The following TMPRSS7 variants were observed in gnomAD, a reference collection of about 807,000 sequenced individuals.
TMPRSS7 encodes the protein transmembrane serine protease 7.
A neutral mutation model predicts 95.6 loss-of-function variants in TMPRSS7; 81 were observed. That is an observed-to-expected ratio of 0.85 (90% CI 0.71 to 1.02). TMPRSS7 has a LOEUF of 1.02. Ranked by LOEUF, TMPRSS7 falls within the 50% of genes least tolerant of loss-of-function variation. The pLI is 0.00. For missense variants in TMPRSS7, 945 were observed against 955.2 expected (o/e 0.99, Z 0.14); for synonymous variants, 364 against 337.8 (o/e 1.08, Z -0.85).
intron 4 of TMPRSS7, among the ~76,000 whole-genome samples, chr3:112,045,072 T>C (rs2073260735): frequency 6.6e-6 from 1 of 152,234 alleles, no homozygotes; most frequent in Non-Finnish European, 1.5e-5. Flanking sequence ...TGGGACCTTC[T>C]CATAAGATTA....
At chr3:112,051,617 ATCTC>A (rs1175516454) in intron 9 of TMPRSS7, among the ~76,000 whole-genome samples, 3 of 140,436 alleles carry the variant, frequency 2.1e-5, no homozygotes, top group African/African-American at 7.9e-5. Context: ...TTATCTATCT[ATCTC>A]TATCATCTAT....
chr3:112,050,768 T>A lies in TMPRSS7; in HGVS notation c.1188T>A (p.Cys396Ter), dbSNP rs1367641373. The change falls in exon 9 of 18, where the codon TGT (cysteine) becomes TGA (stop). Residue 396 changes from cysteine to a stop codon, truncating the protein, a stop_gained. Coordinates refer to ENST00000452346, the Ensembl canonical transcript of TMPRSS7. LOFTEE classifies it high-confidence loss of function. ...GCTACTATCCTCCAAAATGCAAGTG[T>A]ACCTGGAAATTTCAGGTAGCCTAGT... 1 of 1,595,336 alleles carries A rather than the reference T, an allele frequency of 6.3e-7. No homozygotes were observed. Among genetic ancestry groups the A allele is most frequent in the African/African-American group, 1.3e-5 (1 of 74,416 alleles).
At chr3:112,060,916 G>A (rs56268566) in intron 10 of TMPRSS7, among the ~76,000 whole-genome samples, 6,487 of 152,252 alleles carry the variant, frequency 0.043, 421 homozygotes, top group African/African-American at 0.14. Flanking sequence ...TTATAAAAGT[G>A]TTAATCTGGG....
At chr3:112,051,028 G>A (rs760616812) in intron 9 of TMPRSS7, among the ~76,000 whole-genome samples, 11 of 152,036 alleles carry the variant, frequency 7.2e-5, no homozygotes, top group Admixed American at 2.0e-4. Flanking sequence ...AAATGCAAAG[G>A]CATTATTGAA....
intron 12 of TMPRSS7, among the ~76,000 whole-genome samples, chr3:112,064,445 C>A (rs933052603): frequency 2.0e-5 from 3 of 151,970 alleles, no homozygotes; most frequent in African/African-American, 7.3e-5. Flanking sequence ...TCTTCCTGGA[C>A]TCAAGCGATC....
At chr3:112,042,473 T>A (rs1397868136) in intron 3 of TMPRSS7, among the ~76,000 whole-genome samples, 1 of 152,238 alleles carries the variant, frequency 6.6e-6, no homozygotes, top group East Asian at 1.9e-4. Context: ...TACATATTTA[T>A]TATAAAAATT....
rs570431582 is a variant in TMPRSS7 at position 112,048,065 on chromosome 3, T to A, written c.959+98T>A. ...CCCTGGATTTTTTTTTAAAAACAGT[T>A]TTTGTGTGCACACATGAGGTCAATG... On this transcript the variant is annotated intron_variant, in intron 7 of 17. Coordinates refer to ENST00000452346, the Ensembl canonical transcript of TMPRSS7. The A allele has an allele frequency of 6.1e-6, 7 of 1,152,934 alleles. No individual in the cohort carries two copies. The East Asian group carries it at 1.7e-4, about 27-fold the overall frequency. 71.4% of individuals were successfully genotyped at this position (1,152,934 alleles called of 1,614,324 possible).
chr3:112,062,036 TC>T, intron 11 of TMPRSS7, 113 bp downstream of exon 11: 1 of 593,220 alleles, frequency 1.7e-6, no homozygotes, highest in Non-Finnish European at 2.5e-6. Context: ...TTCTGCTATT[TC>T]CTTTTACATA....
intron 13 of TMPRSS7, among the ~76,000 whole-genome samples, chr3:112,068,888 T>C (rs60032749): frequency 0.03 from 4,559 of 152,242 alleles, 192 homozygotes; most frequent in African/African-American, 0.088. Context: ...AGGGCACATC[T>C]TTGTCTTGGG....
chr3:112,055,115 C>T (rs924856006), intron 9 of TMPRSS7, among the ~76,000 whole-genome samples: 1 of 151,916 alleles, frequency 6.6e-6, no homozygotes, highest in African/African-American at 2.4e-5. Flanking sequence ...TCTTATGAGC[C>T]CTGGGTTTTC....
chr3:112,064,634 A>T (rs536840978), intron 12 of TMPRSS7, among the ~76,000 whole-genome samples: 1 of 152,316 alleles, frequency 6.6e-6, no homozygotes, highest in Non-Finnish European at 1.5e-5. Context: ...AAGTGTTGAG[A>T]TTACAGGCAC....
intron 13 of TMPRSS7, among the ~76,000 whole-genome samples, chr3:112,073,747 T>C (rs16859140): frequency 0.24 from 36,236 of 152,076 alleles, 4,949 homozygotes; most frequent in East Asian, 0.43. Context: ...TATTGCTTAC[T>C]TGCTTTTAAT....
In TMPRSS7 at chr3:112,077,541, G is replaced by A. The variant is rs1263517642; in HGVS notation, c.2224+397G>A. On this transcript the variant is annotated intron_variant, in intron 16 of 17. Coordinates refer to ENST00000452346, the Ensembl canonical transcript of TMPRSS7. The stretch of plus-strand genomic sequence containing the variant: ...GCACATCCCACTATGTCAACTCATA[G>A]GCAACAGTCTGGGAGACTATGTGGG... Among the ~76,000 whole-genome samples the A allele has an allele frequency of 3.3e-5, 5 of 152,326 alleles. No homozygotes were observed. In the East Asian group the frequency reaches 9.6e-4, roughly 29 times the overall value.
chr3:112,056,951 A>G, intron 9 of TMPRSS7, 74 bp from the exon 10 acceptor site: 1 of 1,096,576 alleles, frequency 9.1e-7, no homozygotes, highest in Non-Finnish European at 1.3e-6. Context: ...GCCTTAAAAC[A>G]ACAAGCCAAG....
At chr3:112,051,403 C>G (rs560320353) in intron 9 of TMPRSS7, among the ~76,000 whole-genome samples, 1 of 152,168 alleles carries the variant, frequency 6.6e-6, no homozygotes, top group South Asian at 2.1e-4. Flanking sequence ...ACTTCAGTAT[C>G]TGAGAATTTT....
chr3:112,050,501 A>G (rs2073330638), intron 8 of TMPRSS7, among the ~76,000 whole-genome samples, 170 bp from the exon 9 acceptor site: 1 of 114,182 alleles, frequency 8.8e-6, no homozygotes, highest in Admixed American at 1.1e-4. Flanking sequence ...ATACATCTGT[A>G]GGGTGGCATT....
rs769706545 is a variant in TMPRSS7, at chr3:112,080,896, C to A, written c.2362-18C>A. 1 of 1,602,364 alleles carries A rather than the reference C, an allele frequency of 6.2e-7. No homozygotes were observed. Among genetic ancestry groups the A allele is most frequent in the South Asian group, 1.1e-5 (1 of 88,394 alleles). ...ATGGGACCAATTTACTTTATACTTA[C>A]ATTTTTTGTGTGTGTAGGGAGATTC... On this transcript the variant is annotated intron_variant, in intron 17 of 17. Transcript: ENST00000452346.
chr3:112,077,774 G>C (rs1203888567), intron 16 of TMPRSS7, among the ~76,000 whole-genome samples: 2 of 152,184 alleles, frequency 1.3e-5, no homozygotes, highest in Non-Finnish European at 2.9e-5. Context: ...GTATAGTAGG[G>C]AAGTCCCTAC....
At chr3:112,068,956 G>A (rs1009629426) in intron 13 of TMPRSS7, among the ~76,000 whole-genome samples, 4 of 152,038 alleles carry the variant, frequency 2.6e-5, no homozygotes. Flanking sequence ...ATTGGCTGTG[G>A]GTTTGTCATA....
Sources: gnomAD v4.1 joint callset for allele counts (sites outside exome capture counted in the v4.1 genomes callset) on GRCh38, gnomAD v4.1.1 for gene constraint, MANE v1.5 for transcripts, NCBI Gene and HGNC (gene_info 2026-07-23, HGNC 2026-07-21) for gene names.